TANK: variants seen among roughly 807,000 people sequenced by gnomAD.
TANK encodes the protein TRAF family member-associated NF-kappa-B activator.
Under a neutral mutation model 43.6 loss-of-function variants are expected in TANK, and 15 were observed. The observed-to-expected ratio is 0.34, with a 90% confidence interval of 0.23 to 0.53. The LOEUF (loss-of-function observed/expected upper bound fraction) is 0.53. Ranked by LOEUF, TANK falls within the 20% of genes least tolerant of loss-of-function variation. TANK has a pLI of 0.94. For missense variants in TANK, 417 were observed against 498.6 expected (o/e 0.84, Z 1.56); for synonymous variants, 162 against 178.2 (o/e 0.91, Z 0.73).
intron 1 of TANK, among the ~76,000 whole-genome samples, chr2:161,169,462 T>G (rs1466071956): frequency 6.6e-6 from 1 of 151,950 alleles, no homozygotes; most frequent in Non-Finnish European, 1.5e-5. Flanking sequence ...ATTGGGGAAA[T>G]GGGGGAGAAT....
At chr2:161,156,891 A>G (rs1684241924), upstream of TANK, among the ~76,000 whole-genome samples, 1 of 152,220 alleles carries the variant, frequency 6.6e-6, no homozygotes, top group South Asian at 2.1e-4. Context: ...TATATGAAAA[A>G]GTAAACCCCC....
At chr2:161,139,817 A>G in intron 1 of TANK, 9 of 985,448 alleles carry the variant, frequency 9.1e-6, no homozygotes, top group Non-Finnish European at 1.1e-5. Flanking sequence ...CAAAGCAGCT[A>G]TTCCTACGCT....
chr2:161,147,142 G>C (rs1179486022), intron 1 of TANK, among the ~76,000 whole-genome samples: 1 of 152,116 alleles, frequency 6.6e-6, no homozygotes, highest in Admixed American at 6.5e-5. Context: ...GGGTGTGGGA[G>C]TTACTGCTTG....
chr2:161,216,624 G>A (rs1191474038), intron 4 of TANK, among the ~76,000 whole-genome samples: 1 of 149,560 alleles, frequency 6.7e-6, no homozygotes. Flanking sequence ...GAGGCCCCCA[G>A]TTGGGAATTT....
At chr2:161,194,594 G>A (rs1284146857) in intron 2 of TANK, among the ~76,000 whole-genome samples, 1 of 152,114 alleles carries the variant, frequency 6.6e-6, no homozygotes, top group African/African-American at 2.4e-5. Flanking sequence ...CTTCTCTAAT[G>A]TTTTTCTGAC....
chr2:161,174,707 C>T (rs1265883688), intron 1 of TANK, among the ~76,000 whole-genome samples: 2 of 152,050 alleles, frequency 1.3e-5, no homozygotes, highest in Admixed American at 6.6e-5. Context: ...TCATTTCCAC[C>T]TCTACTTGCT....
At chr2:161,178,378 T>C (rs1685261380) in intron 1 of TANK, among the ~76,000 whole-genome samples, 1 of 151,980 alleles carries the variant, frequency 6.6e-6, no homozygotes, top group African/African-American at 2.4e-5. Flanking sequence ...CTCAGAAATA[T>C]CTTTCTGAAA....
intron 2 of TANK, among the ~76,000 whole-genome samples, chr2:161,181,897 G>A (rs760177653): frequency 6.6e-6 from 1 of 151,868 alleles, no homozygotes; most frequent in Non-Finnish European, 1.5e-5. Context: ...GAAAGTGAGA[G>A]ATCTTATGTT....
intron 4 of TANK, 183 bp downstream of exon 4, chr2:161,204,976 AT>A: frequency 7.3e-7 from 1 of 1,371,578 alleles, no homozygotes; most frequent in African/African-American, 1.5e-5. Context: ...GAGGTTTTGT[AT>A]TTCCTACTGA....
At chr2:161,164,707 A>G (rs1428601913) in intron 1 of TANK, among the ~76,000 whole-genome samples, 2 of 152,184 alleles carry the variant, frequency 1.3e-5, no homozygotes, top group East Asian at 1.9e-4. Flanking sequence ...TCCAATTCCT[A>G]ATCTATAAAA....
intron 4 of TANK, chr2:161,207,541 A>G (rs760453483): frequency 2.0e-6 from 2 of 984,174 alleles, no homozygotes; most frequent in Non-Finnish European, 2.4e-6. Context: ...AAAAGAGAAA[A>G]TATATTGTAA....
chr2:161,202,491 A>C (rs535412186), intron 2 of TANK, among the ~76,000 whole-genome samples: 5 of 152,094 alleles, frequency 3.3e-5, no homozygotes, highest in Non-Finnish European at 5.9e-5. Flanking sequence ...CTAATCTATG[A>C]ACAGCTATGT....
At chr2:161,167,454 A>G (rs1194162132) in intron 1 of TANK, among the ~76,000 whole-genome samples, 1 of 152,148 alleles carries the variant, frequency 6.6e-6, no homozygotes, top group African/African-American at 2.4e-5. Flanking sequence ...CAAAGACAAC[A>G]GACTTAAGAT....
rs576763849 is a variant in TANK, at chr2:161,205,435, T to C, written c.327+642T>C. On this transcript the variant is annotated intron_variant, in intron 4 of 7. Transcript: ENST00000392749. ...AATGAAATAAAAGATTAAAATCAGG[T>C]AAATAATAAGACACAGATTAGATAA... 1.6e-4 allele frequency among the ~76,000 whole-genome samples: 25 copies of C among 152,170 alleles called. 1 individual carries two copies. The South Asian group carries it at 5.0e-3, about 30-fold the overall frequency.
intron 1 of TANK, among the ~76,000 whole-genome samples, chr2:161,177,396 A>G (rs1685217226): frequency 6.6e-6 from 1 of 152,126 alleles, no homozygotes; most frequent in Non-Finnish European, 1.5e-5. Context: ...GTGATTTATG[A>G]TCAGTTGATT....
chr2:161,209,114 T>C (rs1358215558), intron 4 of TANK, among the ~76,000 whole-genome samples: 1 of 152,112 alleles, frequency 6.6e-6, no homozygotes, highest in Non-Finnish European at 1.5e-5. Flanking sequence ...TGATTATTAA[T>C]CCTAAAGGGA....
chr2:161,223,924 C>G lies in TANK; in HGVS notation c.337C>G (p.Gln113Glu), dbSNP rs137927475. The G allele has an allele frequency of 5.8e-4, 921 of 1,598,782 alleles. 5 individuals are homozygous for G. In the African/African-American group the frequency reaches 0.011, roughly 19 times the overall value. ...AREKLPKVRR[Q>E]EVSSPRKETS... ...ATTTTGTATGTTTAAGGTAAGAAGA[C>G]AAGAGGTTTCTTCTCCTAGAAAAGA... is the stretch of plus-strand genomic sequence containing the variant. The change falls in exon 5 of 8, where the codon CAA (glutamine) becomes GAA (glutamate). Residue 113 changes from glutamine (Q) to glutamate (E), a missense_variant. Coordinates refer to ENST00000392749, the MANE Select transcript of TANK (RefSeq NM_001199135.3).
chr2:161,214,925 C>G (rs1257790279), intron 4 of TANK, among the ~76,000 whole-genome samples: 1 of 152,196 alleles, frequency 6.6e-6, no homozygotes, highest in Non-Finnish European at 1.5e-5. Flanking sequence ...AAAGGAGAGG[C>G]ATATTGAGCT....
At chr2:161,144,080 T>A (rs906057064) in intron 1 of TANK, among the ~76,000 whole-genome samples, 2 of 152,210 alleles carry the variant, frequency 1.3e-5, no homozygotes, top group African/African-American at 2.4e-5. Flanking sequence ...TTCTTCTAGA[T>A]TTTCTAGCTT....
Sources: gnomAD v4.1 joint callset for allele counts (sites outside exome capture counted in the v4.1 genomes callset) on GRCh38, gnomAD v4.1.1 for gene constraint, MANE v1.5 for transcripts, NCBI Gene and HGNC (gene_info 2026-07-23, HGNC 2026-07-21) for gene names.